FTO: variants seen among roughly 807,000 people sequenced by gnomAD.
The protein encoded by FTO is FTO alpha-ketoglutarate dependent dioxygenase.
A neutral mutation model predicts 63.9 loss-of-function variants in FTO; 47 were observed. That is an observed-to-expected ratio of 0.74 (90% CI 0.58 to 0.94). FTO has a LOEUF of 0.94. FTO is among the 40% of genes least tolerant of loss of function. The probability of loss-of-function intolerance (pLI) is 0.00; values close to 1 mark genes in which losing one functional copy is unlikely to be tolerated. For missense variants in FTO, 562 were observed against 618.1 expected (o/e 0.91, Z 0.96); for synonymous variants, 207 against 224.4 (o/e 0.92, Z 0.69).
At chr16:53,913,727 C>T (rs2081778036) in intron 7 of FTO, among the ~76,000 whole-genome samples, 1 of 152,148 alleles carries the variant, frequency 6.6e-6, no homozygotes, top group Non-Finnish European at 1.5e-5. Flanking sequence ...GCCTGTAATC[C>T]TAGCACTTTG....
intron 1 of FTO, among the ~76,000 whole-genome samples, chr16:53,725,391 T>C (rs1205594368): frequency 2.0e-5 from 3 of 152,230 alleles, no homozygotes; most frequent in Non-Finnish European, 2.9e-5. Context: ...AGAATGATCT[T>C]CATTGTGAAC....
At chr16:53,839,819 A>T (rs6499650) in intron 3 of FTO, among the ~76,000 whole-genome samples, 12,731 of 55,358 alleles carry the variant, frequency 0.23, 1,265 homozygotes, top group East Asian at 0.55. Context: ...TTATTTATTT[A>T]TTTTAAGGTG....
intron 7 of FTO, among the ~76,000 whole-genome samples, chr16:53,900,265 G>T (rs997407291): frequency 6.6e-6 from 1 of 152,054 alleles, no homozygotes; most frequent in Non-Finnish European, 1.5e-5. Flanking sequence ...AAGCAGTGTT[G>T]TTTTTTGTCT....
At chr16:54,066,625 G>C (rs1425498056) in intron 8 of FTO, among the ~76,000 whole-genome samples, 1 of 152,232 alleles carries the variant, frequency 6.6e-6, no homozygotes, top group Non-Finnish European at 1.5e-5. Context: ...TATTGAAGGT[G>C]CTAACAGTCT....
intron 8 of FTO, among the ~76,000 whole-genome samples, chr16:53,950,168 A>AAAAAAAAAAAAC (rs2082750971): frequency 6.8e-6 from 1 of 147,846 alleles, no homozygotes; most frequent in East Asian, 1.9e-4. Context: ...AAAAAAAAAA[A>AAAAAAAAAAAAC]AAAAAAAAAA....
At chr16:53,999,564 C>G (rs2084020895) in intron 8 of FTO, 1 of 152,172 alleles carries the variant, frequency 6.6e-6, no homozygotes, top group South Asian at 2.1e-4. Flanking sequence ...TGGTGGGTTT[C>G]TCAGAATGTG....
intron 2 of FTO, among the ~76,000 whole-genome samples, chr16:53,824,719 C>T (rs2078958084): frequency 6.6e-6 from 1 of 152,142 alleles, no homozygotes; most frequent in African/African-American, 2.4e-5. Context: ...GTGGGCAACA[C>T]AATACAGGGA....
intron 7 of FTO, among the ~76,000 whole-genome samples, chr16:53,895,073 T>C (rs1007817600): frequency 1.3e-5 from 2 of 152,094 alleles, no homozygotes; most frequent in Admixed American, 1.3e-4. Context: ...GCTCGGTTCT[T>C]TCCATTCTCC....
intron 8 of FTO, among the ~76,000 whole-genome samples, chr16:53,989,034 T>C (rs2083737703): frequency 2.6e-5 from 4 of 151,866 alleles, no homozygotes; most frequent in Admixed American, 2.6e-4. Flanking sequence ...GTTCAGTTAG[T>C]GAGGGGGGTT....
rs2079000618 is a variant in FTO, at chr16:53,826,166, C to T, written c.426C>T (p.Leu142=). The part of the protein sequence containing the change: ...IAAACETFLK[L]NDYLQIETIQ... ...CTGCTTGTGAGACCTTCCTCAAGCT[C>T]AATGACTACCTGCAGATAGAAACCA... is the stretch of plus-strand genomic sequence containing the variant. Residue 142 remains leucine, a synonymous_variant, in exon 3 of 9, where the codon CTC becomes CTT. Transcript: ENST00000471389. 1 of 1,614,004 alleles carries T rather than the reference C, an allele frequency of 6.2e-7. No homozygotes were observed. Among genetic ancestry groups the T allele is most frequent in the African/African-American group, 1.3e-5 (1 of 74,918 alleles).
Position 54,073,343 on chromosome 16 carries a change from G to A in FTO, c.1365-38419G>A, listed in dbSNP as rs74417933. 2.0e-5 allele frequency among the ~76,000 whole-genome samples: 3 copies of A among 152,160 alleles called. No homozygotes were observed. In the East Asian group the frequency reaches 5.8e-4, roughly 29 times the overall value. On this transcript the variant is annotated intron_variant, in intron 8 of 8. Coordinates refer to ENST00000471389, the MANE Select transcript of FTO (RefSeq NM_001080432.3). ...GATGTCTCTCTTCTCTGACTCTTTA[G>A]TAGGCAAATTAATTAAGTTTTACTT...
chr16:53,959,833 T>TGTAC, intron 8 of FTO, among the ~76,000 whole-genome samples: 1 of 151,912 alleles, frequency 6.6e-6, no homozygotes, highest in Non-Finnish European at 1.5e-5. Flanking sequence ...ACAAGCTGGG[T>TGTAC]CCTGAAGGAG....
chr16:54,013,814 A>G (rs1458508383), intron 8 of FTO, among the ~76,000 whole-genome samples: 1 of 152,256 alleles, frequency 6.6e-6, no homozygotes. Context: ...TGTCTAAAAA[A>G]CATAATTTTT....
In FTO at chr16:53,887,857, C is replaced by T. The variant is rs117646668; in HGVS notation, c.1120-975C>T. On this transcript the variant is annotated intron_variant, in intron 6 of 8. Coordinates refer to ENST00000471389, the MANE Select transcript of FTO (RefSeq NM_001080432.3). ...ATGGCTTTGTCGGTTTAATGTATGC[C>T]TCCATAATTAGTTTTATATATATAG... 31 of 152,144 alleles carry T rather than the reference C, an allele frequency of 2.0e-4. No individual in the cohort carries two copies. In the East Asian group the frequency reaches 5.4e-3, roughly 27 times the overall value. The allele number at this position is 152,144 out of a possible 1,614,324, so 9.4% of individuals were successfully genotyped here.
intron 8 of FTO, among the ~76,000 whole-genome samples, chr16:54,059,675 ATAAT>A (rs2085523319): frequency 2.0e-5 from 3 of 152,168 alleles, no homozygotes; most frequent in South Asian, 2.1e-4. Context: ...CGTTTCGAAG[ATAAT>A]TAGATTTGAT....
At chr16:53,796,955 T>A (rs9933040) in intron 1 of FTO, among the ~76,000 whole-genome samples, 54,220 of 152,086 alleles carry the variant, frequency 0.36, 10,575 homozygotes, top group Non-Finnish European at 0.44. Context: ...CCCCTAGTGG[T>A]TCTGGGCAGC....
At chr16:53,826,750 A>G (rs8060823) in intron 3 of FTO, among the ~76,000 whole-genome samples, 116,446 of 151,414 alleles carry the variant, frequency 0.77, 44,818 homozygotes, top group African/African-American at 0.82. Context: ...GCACGTAAGC[A>G]CTGCTGTCAT....
intron 8 of FTO, among the ~76,000 whole-genome samples, chr16:54,043,394 G>A (rs2085126201): frequency 5.3e-5 from 1 of 18,888 alleles, no homozygotes; most frequent in Non-Finnish European, 7.2e-5. Flanking sequence ...AAGCGAGAAG[G>A]GAAGTTTAGA....
At chr16:54,021,392 G>A (rs761787691) in intron 8 of FTO, among the ~76,000 whole-genome samples, 12 of 150,608 alleles carry the variant, frequency 8.0e-5, no homozygotes, top group Admixed American at 1.3e-4. Context: ...TAGGCTGGGT[G>A]TATAGCCTAC....
Sources: gnomAD v4.1 joint callset for allele counts (sites outside exome capture counted in the v4.1 genomes callset) on GRCh38, gnomAD v4.1.1 for gene constraint, MANE v1.5 for transcripts, NCBI Gene and HGNC (gene_info 2026-07-23, HGNC 2026-07-21) for gene names.